The following TGM2 variants were observed in gnomAD, a reference collection of about 807,000 sequenced individuals.
The protein encoded by TGM2 is protein-glutamine gamma-glutamyltransferase 2.
In TGM2, 53 loss-of-function variants were observed where a neutral mutation model predicts 75.6. That is an observed-to-expected ratio of 0.70 (90% confidence interval 0.56 to 0.88). TGM2 has a LOEUF of 0.88. Ranked by LOEUF, TGM2 falls within the 40% of genes least tolerant of loss-of-function variation. The pLI is 0.00. For synonymous variants in TGM2, 374 were observed against 381.1 expected (o/e 0.98, Z 0.22); for missense variants, 842 against 928.5 (o/e 0.91, Z 1.21).
At chr20:38,153,528 A>AAAAAAAAAAAAAAAAAAGAAAAG (rs56670550) in intron 3 of TGM2, among the ~76,000 whole-genome samples, 5 of 125,254 alleles carry the variant, frequency 4.0e-5, no homozygotes, top group Admixed American at 8.9e-5. Context: ...TGGTCTCAAA[A>AAAAAAAAAAAAAAAAAAGAAAAG]AAAAGAAAAA....
At chr20:38,147,222 G>C (rs2122910191) in intron 5 of TGM2, among the ~76,000 whole-genome samples, 1 of 152,184 alleles carries the variant, frequency 6.6e-6, no homozygotes, top group African/African-American at 2.4e-5. Flanking sequence ...AGACCCGCTT[G>C]GGCCCCCCAC....
intron 3 of TGM2, among the ~76,000 whole-genome samples, chr20:38,152,045 T>C (rs1386805796): frequency 1.3e-5 from 2 of 152,188 alleles, no homozygotes; most frequent in Non-Finnish European, 2.9e-5. Context: ...CCTTCCTCCA[T>C]TAGAAAAAAG....
intron 3 of TGM2, among the ~76,000 whole-genome samples, chr20:38,153,886 A>G (rs2075149229): frequency 6.6e-6 from 1 of 152,170 alleles, no homozygotes; most frequent in African/African-American, 2.4e-5. Flanking sequence ...GCACAATCCC[A>G]GCTAACTGCA....
intron 8 of TGM2, among the ~76,000 whole-genome samples, chr20:38,141,068 C>G (rs910496828): frequency 2.0e-5 from 3 of 152,168 alleles, no homozygotes; most frequent in African/African-American, 7.2e-5. Flanking sequence ...TTGAGCTTCT[C>G]TGTATTTCCT....
At chr20:38,161,738 TCC>T in intron 1 of TGM2, 139 bp from the exon 2 acceptor site, 1 of 1,013,768 alleles carries the variant, frequency 9.9e-7, no homozygotes, top group Non-Finnish European at 1.5e-6. Context: ...CTGACCTGTC[TCC>T]CCAGCCCTGG....
rs2074821439 is a variant in TGM2, at chr20:38,130,952, G to GAAC, written c.1913+140_1913+141insGTT. On this transcript the variant is annotated intron_variant, in intron 12 of 12. Coordinates refer to ENST00000361475, the MANE Select transcript of TGM2 (RefSeq NM_004613.4). ...TGACGGTGGGAACTCTAGCCCCAGG[G>GAAC]TGTCTGGGAGTGGGCACAGCTGTGT... 3 of 1,305,974 alleles carry GAAC rather than the reference G, an allele frequency of 2.3e-6. No homozygotes were observed. The Admixed American group carries it at 5.5e-5, about 24-fold the overall frequency. 80.9% of individuals were successfully genotyped at this position (1,305,974 alleles called of 1,614,324 possible). A position where few individuals can be genotyped will look rare whatever the true frequency, so the allele number is the denominator to read the frequency against.
At chr20:38,131,049 G>A in intron 12 of TGM2, 44 bp downstream of exon 12, 1 of 1,607,562 alleles carries the variant, frequency 6.2e-7, no homozygotes, top group Non-Finnish European at 8.5e-7. Context: ...ACCGGCATCT[G>A]CCCGCTTCCC....
intron 10 of TGM2, 157 bp from the exon 11 acceptor site, chr20:38,132,657 G>T: frequency 9.8e-7 from 1 of 1,016,530 alleles, no homozygotes; most frequent in Non-Finnish European, 1.5e-6. Context: ...TGTGGCTCCA[G>T]GGTTCCCAGC....
chr20:38,130,717 G>T (rs1301040455), intron 12 of TGM2, among the ~76,000 whole-genome samples: 1 of 152,212 alleles, frequency 6.6e-6, no homozygotes, highest in Non-Finnish European at 1.5e-5. Context: ...AGAAGTGTGT[G>T]CTCGTATGTA....
intron 3 of TGM2, among the ~76,000 whole-genome samples, chr20:38,151,818 AG>A (rs1395513219): frequency 6.6e-6 from 1 of 152,188 alleles, no homozygotes; most frequent in Non-Finnish European, 1.5e-5. Context: ...GAAAGCACAA[AG>A]CTTTGGCTGC....
chr20:38,131,060 C>T (rs748974478), intron 12 of TGM2, 33 bp downstream of exon 12: 2 of 1,609,486 alleles, frequency 1.2e-6, no homozygotes, highest in East Asian at 2.2e-5. Context: ...CCCGCTTCCC[C>T]CAGGCCCCAA....
At chr20:38,160,194 A>C (rs1489313508) in intron 2 of TGM2, among the ~76,000 whole-genome samples, 1 of 152,150 alleles carries the variant, frequency 6.6e-6, no homozygotes, top group East Asian at 1.9e-4. Flanking sequence ...TCAGCCAAGG[A>C]ATGCTTGCTG....
At chr20:38,164,078 T>A (rs902405513) in intron 1 of TGM2, among the ~76,000 whole-genome samples, 2 of 152,202 alleles carry the variant, frequency 1.3e-5, no homozygotes, top group African/African-American at 2.4e-5. Context: ...ATAACTGGCA[T>A]CTCCAGGATC....
chr20:38,131,216 G>C lies in TGM2; in HGVS notation c.1790C>G (p.Pro597Arg), dbSNP rs1315597742. Residue 597 changes from proline (P) to arginine (R), a missense_variant, in exon 12 of 13, where the codon CCC (proline) becomes CGC (arginine). Coordinates refer to ENST00000361475, the MANE Select transcript of TGM2 (RefSeq NM_004613.4). ...AGCCACCAGCTTGCGTTTCTGCTTG[G>C]GCTCCCCAAGGATCTGGAAGAGGGC... ...PEIKIRILGE[P>R]KQKRKLVAEV... 2.5e-6 allele frequency: 4 copies of C among 1,613,780 alleles called. No homozygotes were observed. The East Asian group carries it at 8.9e-5, about 36-fold the overall frequency.
chr20:38,147,590 CT>C (rs1171483669), intron 5 of TGM2, among the ~76,000 whole-genome samples: 2 of 152,158 alleles, frequency 1.3e-5, no homozygotes, highest in African/African-American at 4.8e-5. Context: ...ACCATGTGAA[CT>C]GCCTGCTCGT....
rs781011976 is a variant in TGM2, at chr20:38,142,110, G to A, written c.949C>T (p.Arg317Cys). The A allele has an allele frequency of 1.4e-5, 22 of 1,613,966 alleles. No individual in the cohort carries two copies. In the Admixed American group the frequency reaches 2.0e-4, roughly 15 times the overall value. Reference sequence around the variant, plus strand: ...CCCTGGATCTCCCCAAACTCATTGCGGAAGTACTCGATGAGAAGGTTGCTG... The same window carrying A: ...CCCTGGATCTCCCCAAACTCATTGCAGAAGTACTCGATGAGAAGGTTGCTG... ...QNSNLLIEYF[R>C]NEFGEIQGDK... The change falls in exon 7 of 13, where the codon CGC (arginine) becomes TGC (cysteine). Residue 317 changes from arginine to cysteine, a missense_variant. Transcript: ENST00000361475.
At chr20:38,148,390 T>A (rs1228957919) in intron 4 of TGM2, among the ~76,000 whole-genome samples, 1 of 152,134 alleles carries the variant, frequency 6.6e-6, no homozygotes, top group Non-Finnish European at 1.5e-5. Context: ...CAGCCCGGTG[T>A]CCCTGGGGCT....
Position 38,139,498 on chromosome 20 carries a change from GA to G in TGM2, c.1255del (p.Ser419ProfsTer2). 1.9e-6 allele frequency: 3 copies of G among 1,614,192 alleles called. No individual in the cohort carries two copies. The highest frequency in any genetic ancestry group is 2.5e-6 in the Non-Finnish European group (3 of 1,180,034). On this transcript the variant is annotated frameshift_variant, in exon 9 of 13. Transcript: ENST00000361475. LOFTEE classifies it high-confidence loss of function. Reference sequence around the variant, plus strand: ...GCTGATCTTCAGCCCAACGATCAGGGAACGGTTGATGGATTTGTGCACAGAC... The same window carrying G: ...GCTGATCTTCAGCCCAACGATCAGGGACGGTTGATGGATTTGTGCACAGAC... ...DGSVHKSINRSLIVGLKISTK... is the reference protein window; with the variant it reads ...DGSVHKSINRXLIVGLKISTK...
intron 6 of TGM2, chr20:38,146,198 C>T (rs533177446): frequency 2.6e-5 from 4 of 156,430 alleles, no homozygotes; most frequent in African/African-American, 9.6e-5. Context: ...CATTTTAGAA[C>T]ATGCTTTCTT....
Sources: gnomAD v4.1 joint callset for allele counts (sites outside exome capture counted in the v4.1 genomes callset) on GRCh38, gnomAD v4.1.1 for gene constraint, MANE v1.5 for transcripts, NCBI Gene and HGNC (gene_info 2026-07-23, HGNC 2026-07-21) for gene names.